SDC3: variants seen among roughly 807,000 people sequenced by gnomAD.
SDC3 encodes syndecan 3.
A neutral mutation model predicts 24.4 loss-of-function variants in SDC3; 13 were observed. The observed-to-expected ratio is 0.53, with a 90% CI of 0.35 to 0.85. The LOEUF (loss-of-function observed/expected upper bound fraction) is 0.85, where lower values mean the gene tolerates loss of function less well. Among genes scored for constraint, SDC3 ranks in the 40% least tolerant of loss-of-function variants. SDC3 has a pLI of 0.01. For missense variants in SDC3, 571 were observed against 584.5 expected (o/e 0.98, Z 0.24); for synonymous variants, 295 against 260.9 (o/e 1.13, Z -1.26).
intron 1 of SDC3, among the ~76,000 whole-genome samples, chr1:30,891,568 T>C (rs1639904588): frequency 6.6e-6 from 1 of 152,114 alleles, no homozygotes; most frequent in African/African-American, 2.4e-5. Context: ...CAGACTCTGA[T>C]CTCTCAGCCA....
At chr1:30,882,417 C>T (rs1286608271) in intron 1 of SDC3, among the ~76,000 whole-genome samples, 3 of 152,124 alleles carry the variant, frequency 2.0e-5, no homozygotes. Flanking sequence ...GGACCAGGCC[C>T]AGCAGTGACC....
At chr1:30,902,147 G>T (rs1189955842) in intron 1 of SDC3, among the ~76,000 whole-genome samples, 1 of 152,218 alleles carries the variant, frequency 6.6e-6, no homozygotes, top group South Asian at 2.1e-4. Context: ...GGCAACAGGG[G>T]TTGTAGAACC....
rs543901073 is a variant in SDC3, at chr1:30,872,552, C to T, written c.*659G>A. ...GGACATCAGAGCAGCCCCTCCTCACCAGTGGCTGCCCCAGCACCCTCAGGA... is the reference window on the plus strand; with the variant it reads ...GGACATCAGAGCAGCCCCTCCTCACTAGTGGCTGCCCCAGCACCCTCAGGA... On this transcript the variant is annotated 3_prime_UTR_variant, in exon 5 of 5. Coordinates refer to ENST00000339394, the MANE Select transcript of SDC3 (RefSeq NM_014654.4). The T allele has an allele frequency of 1.1e-3, 174 of 152,888 alleles. No homozygotes were observed. Among genetic ancestry groups the T allele is most frequent in the Non-Finnish European group, 2.2e-3 (148 of 68,524 alleles). The allele number at this position is 152,888 out of a possible 1,614,324, so 9.5% of individuals were successfully genotyped here.
intron 1 of SDC3, among the ~76,000 whole-genome samples, chr1:30,899,035 A>T (rs1283638382): frequency 6.6e-6 from 1 of 152,214 alleles, no homozygotes; most frequent in Non-Finnish European, 1.5e-5. Flanking sequence ...CTGACAGAAG[A>T]GGAGACTAAG....
intron 1 of SDC3, among the ~76,000 whole-genome samples, chr1:30,885,269 G>A (rs574360336): frequency 2.0e-4 from 30 of 152,262 alleles, no homozygotes; most frequent in African/African-American, 7.0e-4. Context: ...TCATCATTAT[G>A]TTTAAAAAAT....
At chr1:30,909,579 C>T (rs1310524992), upstream of SDC3, among the ~76,000 whole-genome samples, 1 of 151,960 alleles carries the variant, frequency 6.6e-6, no homozygotes. Flanking sequence ...TCCCCCTTCA[C>T]CTTCATCCCC....
intron 1 of SDC3, among the ~76,000 whole-genome samples, chr1:30,899,321 G>A (rs1042771857): frequency 6.6e-6 from 1 of 152,168 alleles, no homozygotes; most frequent in Non-Finnish European, 1.5e-5. Context: ...TCCTGACCTT[G>A]TGATCTGCTC....
At position 30,876,840 on chromosome 1, in the gene SDC3, G is replaced by C; in HGVS notation, c.582C>G (p.Pro194=). ...ATATPSTPAA[P]PFTATTAVIR... ...TAACAGCAGTGGTGGCCGTAAAAGG[G>C]GGTGCTGCAGGGGTGCTGGGGGTGG... Residue 194 remains proline, a synonymous_variant, in exon 3 of 5, where the codon CCC becomes CCG. Coordinates refer to ENST00000339394, the MANE Select transcript of SDC3 (RefSeq NM_014654.4). The C allele has an allele frequency of 3.7e-6, 6 of 1,612,418 alleles. No individual in the cohort carries two copies. The highest frequency in any genetic ancestry group is 1.3e-5 in the African/African-American group (1 of 74,936).
intron 1 of SDC3, among the ~76,000 whole-genome samples, chr1:30,906,028 C>A (rs1638513631): frequency 6.6e-6 from 1 of 151,678 alleles, no homozygotes; most frequent in African/African-American, 2.4e-5. Flanking sequence ...ATGTCCCTGC[C>A]CTTCCCTGCC....
Position 30,872,931 on chromosome 1 carries a change from C to A in SDC3, c.*280G>T. 1 of 429,560 alleles carries A rather than the reference C, an allele frequency of 2.3e-6. No homozygotes were observed. The highest frequency in any genetic ancestry group is 4.1e-6 in the Non-Finnish European group (1 of 241,728). 26.6% of individuals were successfully genotyped at this position (429,560 alleles called of 1,614,324 possible). A position where few individuals can be genotyped will look rare whatever the true frequency, so the allele number is the denominator to read the frequency against. On this transcript the variant is annotated 3_prime_UTR_variant, in exon 5 of 5. Transcript: ENST00000339394. Reference sequence around the variant, plus strand: ...CAGCCAATCAGGAGCTTTCTTCCTCCCATCCATCTGACATGAGGTCCTGAA... The same window carrying A: ...CAGCCAATCAGGAGCTTTCTTCCTCACATCCATCTGACATGAGGTCCTGAA...
rs148347591 is a variant in SDC3, at chr1:30,874,511, G to A, written c.948C>T (p.Asp316=). 32 of 1,614,036 alleles carry A rather than the reference G, an allele frequency of 2.0e-5. No individual in the cohort carries two copies. In the African/African-American group the frequency reaches 2.5e-4, roughly 13 times the overall value. ...TGGTCTCTTCTTCTGGCAGCTCGAA[G>A]TCTCCACTGGGCCCCCCACTCACCG... The part of the protein sequence containing the change: ...EVPVSGGPSG[D]FELPEEETTQ... Residue 316 remains aspartate, a synonymous_variant, in exon 4 of 5, where the codon GAC becomes GAT. Transcript: ENST00000339394.
In SDC3 at chr1:30,869,552, A is replaced by AC. The variant is rs1319903364; in HGVS notation, c.*3658_*3659insG. 18 of 397,610 alleles carry AC rather than the reference A, an allele frequency of 4.5e-5. No individual in the cohort carries two copies. The highest frequency in any genetic ancestry group is 1.3e-4 in the Admixed American group (3 of 22,636). 24.6% of individuals were successfully genotyped at this position (397,610 alleles called of 1,614,324 possible). On this transcript the variant is annotated 3_prime_UTR_variant, in exon 5 of 5. Coordinates refer to ENST00000339394, the MANE Select transcript of SDC3 (RefSeq NM_014654.4). ...ACAAACAAACAAAAAAAAAAAAAAA[A>AC]AAAAAAAAACAAAAACAAAACCAGT...
At chr1:30,894,393 TG>T (rs1304261987) in intron 1 of SDC3, among the ~76,000 whole-genome samples, 5 of 99,564 alleles carry the variant, frequency 5.0e-5, no homozygotes, top group Admixed American at 2.4e-4. Context: ...TGTGAGTGTG[TG>T]GGGGAGTGAG....
Position 30,873,072 on chromosome 1 carries a change from C to CT in SDC3, c.*138dup, listed in dbSNP as rs1639568844. On this transcript the variant is annotated 3_prime_UTR_variant, in exon 5 of 5. Transcript: ENST00000339394. ...GGAAGATCTGTGTGAGGCTGGCAGC[C>CT]TGGGCAGACCTTGGGAGAGAGGGCA... is the stretch of plus-strand genomic sequence containing the variant. 1 of 695,188 alleles carries CT rather than the reference C, an allele frequency of 1.4e-6. No homozygotes were observed. The highest frequency in any genetic ancestry group is 2.6e-6 in the Non-Finnish European group (1 of 388,732). 43.1% of individuals were successfully genotyped at this position (695,188 alleles called of 1,614,324 possible).
chr1:30,880,195 G>A (rs373165111), intron 1 of SDC3, among the ~76,000 whole-genome samples: 1 of 152,004 alleles, frequency 6.6e-6, no homozygotes, highest in East Asian at 1.9e-4. Context: ...TTACCATGAC[G>A]ACCATCTTCT....
At chr1:30,879,202 A>G (rs908523063) in intron 1 of SDC3, among the ~76,000 whole-genome samples, 1 of 152,044 alleles carries the variant, frequency 6.6e-6, no homozygotes, top group African/African-American at 2.4e-5. Context: ...GTTGATACAG[A>G]GCCAGAGTGA....
At chr1:30,902,158 C>T (rs1467412535) in intron 1 of SDC3, among the ~76,000 whole-genome samples, 2 of 152,202 alleles carry the variant, frequency 1.3e-5, no homozygotes, top group Admixed American at 6.5e-5. Flanking sequence ...TTGTAGAACC[C>T]TCTCCACCTG....
chr1:30,893,150 G>A (rs1361729603), intron 1 of SDC3, among the ~76,000 whole-genome samples: 1 of 152,170 alleles, frequency 6.6e-6, no homozygotes, highest in Non-Finnish European at 1.5e-5. Flanking sequence ...AGTGCTGAGG[G>A]TGGGGAAGGT....
Position 30,908,483 on chromosome 1 carries a change from AGCG to A in SDC3, c.101_103del (p.Pro34del). On this transcript the variant is annotated inframe_deletion, in exon 1 of 5. Coordinates refer to ENST00000339394, the MANE Select transcript of SDC3 (RefSeq NM_014654.4). ...GCGCCCCGCCAGCAGCAGCAGCAGC[AGCG>A]GTGGCAGGAGCAGCCCGCGGGCCCC... 1 of 1,018,128 alleles carries A rather than the reference AGCG, an allele frequency of 9.8e-7. No individual in the cohort carries two copies. Among genetic ancestry groups the A allele is most frequent in the Non-Finnish European group, 1.2e-6 (1 of 850,600 alleles). The allele number at this position is 1,018,128 out of a possible 1,614,324, so 63.1% of individuals were successfully genotyped here. A position where few individuals can be genotyped will look rare whatever the true frequency, so the allele number is the denominator to read the frequency against.
Sources: gnomAD v4.1 joint callset for allele counts (sites outside exome capture counted in the v4.1 genomes callset) on GRCh38, gnomAD v4.1.1 for gene constraint, MANE v1.5 for transcripts, NCBI Gene and HGNC (gene_info 2026-07-23, HGNC 2026-07-21) for gene names.